Variants in TRPS1 observed in about 807,000 individuals in gnomAD.
The protein encoded by TRPS1 is transcriptional repressor GATA binding 1, also known as zinc finger transcription factor Trps1.
Under a neutral mutation model 101.2 loss-of-function variants are expected in TRPS1, and 6 were observed. That is an observed-to-expected ratio of 0.06 (90% confidence interval 0.03 to 0.12). The LOEUF (loss-of-function observed/expected upper bound fraction) is 0.12. TRPS1 is among the 10% of genes least tolerant of loss of function. The probability of loss-of-function intolerance (pLI) is 1.00; values close to 1 mark genes in which losing one functional copy is unlikely to be tolerated. For missense variants in TRPS1, 1,363 were observed against 1,567.0 expected (o/e 0.87, Z 2.20); for synonymous variants, 578 against 589.8 (o/e 0.98, Z 0.29).
chr8:115,490,824 T>G (rs1815001951), intron 5 of TRPS1, among the ~76,000 whole-genome samples: 1 of 152,222 alleles, frequency 6.6e-6, no homozygotes, highest in South Asian at 2.1e-4. Flanking sequence ...GTTTATTATT[T>G]TATAAATTTG....
intron 5 of TRPS1, among the ~76,000 whole-genome samples, chr8:115,551,784 A>G (rs1816710944): frequency 6.6e-6 from 1 of 152,230 alleles, no homozygotes; most frequent in Non-Finnish European, 1.5e-5. Context: ...TTATGTTCAA[A>G]GGCGGAAGTA....
At chr8:115,580,533 T>C (rs569201733) in intron 5 of TRPS1, among the ~76,000 whole-genome samples, 1 of 152,176 alleles carries the variant, frequency 6.6e-6, no homozygotes, top group South Asian at 2.1e-4. Context: ...ATGGGTTCTT[T>C]TGGGGGCCCT....
At chr8:115,424,936 G>A (rs1360944426) in intron 5 of TRPS1, among the ~76,000 whole-genome samples, 1 of 152,108 alleles carries the variant, frequency 6.6e-6, no homozygotes, top group Non-Finnish European at 1.5e-5. Context: ...GCCACTAGGA[G>A]ACATCGAAGG....
chr8:115,610,362 C>T (rs1413289262), intron 3 of TRPS1, among the ~76,000 whole-genome samples: 3 of 152,096 alleles, frequency 2.0e-5, no homozygotes, highest in Non-Finnish European at 2.9e-5. Context: ...TTATATACAT[C>T]GGGAATTTTT....
intron 5 of TRPS1, among the ~76,000 whole-genome samples, chr8:115,561,099 G>A (rs1816935602): frequency 6.6e-6 from 1 of 152,138 alleles, no homozygotes; most frequent in African/African-American, 2.4e-5. Context: ...CTATGTGAAT[G>A]TTTCAAAATA....
intron 1 of TRPS1, among the ~76,000 whole-genome samples, chr8:115,643,192 T>C (rs1818942899): frequency 6.6e-6 from 1 of 152,294 alleles, no homozygotes; most frequent in South Asian, 2.1e-4. Flanking sequence ...AGTGGAGGTC[T>C]TTGCTGAAGC....
At chr8:115,624,236 A>G (rs2130544920) in intron 1 of TRPS1, among the ~76,000 whole-genome samples, 1 of 152,114 alleles carries the variant, frequency 6.6e-6, no homozygotes, top group South Asian at 2.1e-4. Context: ...AGTCTACCTT[A>G]CCCCTGGAAA....
intron 5 of TRPS1, among the ~76,000 whole-genome samples, chr8:115,536,286 C>T (rs894246203): frequency 1.3e-5 from 2 of 151,778 alleles, no homozygotes; most frequent in South Asian, 2.1e-4. Context: ...TTTGGGAGGC[C>T]GAGGCGGGCG....
chr8:115,544,233 AG>A (rs951078189), intron 5 of TRPS1, among the ~76,000 whole-genome samples: 1 of 151,046 alleles, frequency 6.6e-6, no homozygotes, highest in Non-Finnish European at 1.5e-5. Flanking sequence ...ACTCCCAGCC[AG>A]CCACTTGCCT....
At chr8:115,668,472 C>G (rs1329345158) in intron 1 of TRPS1, 73 bp downstream of exon 1, 1 of 145,730 alleles carries the variant, frequency 6.9e-6, no homozygotes, top group Non-Finnish European at 1.5e-5. Context: ...CGGGCCCGGC[C>G]GAGGGGCGCC....
intron 3 of TRPS1, among the ~76,000 whole-genome samples, chr8:115,611,627 T>C (rs757887972): frequency 6.6e-6 from 1 of 152,134 alleles, no homozygotes; most frequent in Non-Finnish European, 1.5e-5. Flanking sequence ...ACAGATGAGC[T>C]GATATGTGAA....
chr8:115,653,174 G>A (rs1048743641), intron 1 of TRPS1, among the ~76,000 whole-genome samples: 1 of 152,110 alleles, frequency 6.6e-6, no homozygotes, highest in Non-Finnish European at 1.5e-5. Flanking sequence ...TACATACAGG[G>A]GGAGAATTAT....
intron 4 of TRPS1, among the ~76,000 whole-genome samples, chr8:115,602,664 C>A (rs149068153): frequency 6.6e-6 from 1 of 152,102 alleles, no homozygotes; most frequent in African/African-American, 2.4e-5. Context: ...TGCACTAACA[C>A]AAAACTTTTA....
intron 4 of TRPS1, among the ~76,000 whole-genome samples, chr8:115,592,265 A>G (rs1296317988): frequency 6.6e-6 from 1 of 152,144 alleles, no homozygotes; most frequent in Admixed American, 6.5e-5. Context: ...AAAGTCCTCA[A>G]ATGACACCAA....
chr8:115,561,255 G>A (rs1322884763), intron 5 of TRPS1, among the ~76,000 whole-genome samples: 1 of 152,024 alleles, frequency 6.6e-6, no homozygotes, highest in Non-Finnish European at 1.5e-5. Flanking sequence ...TTCCCTGACA[G>A]GCTGAAAACA....
At chr8:115,627,235 G>T (rs2737225) in intron 1 of TRPS1, among the ~76,000 whole-genome samples, 97,016 of 151,176 alleles carry the variant, frequency 0.64, 31,361 homozygotes, top group East Asian at 0.84. Context: ...ATCCCTGATT[G>T]GAATAAGATC....
chr8:115,525,599 T>C, intron 5 of TRPS1, among the ~76,000 whole-genome samples: 1 of 152,144 alleles, frequency 6.6e-6, no homozygotes, highest in East Asian at 1.9e-4. Context: ...TCCTGAAAAC[T>C]ATAGTGTTGA....
chr8:115,448,561 G>C (rs945934014), intron 5 of TRPS1, among the ~76,000 whole-genome samples: 5 of 152,150 alleles, frequency 3.3e-5, no homozygotes, highest in Middle Eastern at 3.4e-3. Context: ...GCCACAGAAG[G>C]GTTCCCAAAC....
At chr8:115,545,034 C>T (rs1052546994) in intron 5 of TRPS1, among the ~76,000 whole-genome samples, 4 of 152,106 alleles carry the variant, frequency 2.6e-5, no homozygotes, top group Admixed American at 6.5e-5. Flanking sequence ...GCTATTTGCT[C>T]ATTGTTAACT....
Sources: allele counts gnomAD v4.1 joint callset (sites outside exome capture counted in the v4.1 genomes callset), GRCh38; gene constraint gnomAD v4.1.1; transcripts MANE v1.5; gene names NCBI Gene and HGNC (gene_info 2026-07-23, HGNC 2026-07-21).